Variants in GRK6 observed in about 807,000 individuals in gnomAD.
The protein encoded by GRK6 is G protein-coupled receptor kinase 6.
A neutral mutation model predicts 80.8 loss-of-function variants in GRK6; 37 were observed. The ratio of observed to expected loss-of-function variants is 0.46; its 90% CI spans 0.35 to 0.60. GRK6 has a LOEUF of 0.60. Among genes scored for constraint, GRK6 ranks in the 20% least tolerant of loss-of-function variants. GRK6 has a pLI of 0.00. For synonymous variants in GRK6, 295 were observed against 320.9 expected, an observed-to-expected ratio of 0.92 and a Z score of 0.86; for missense variants, 560 against 784.6, an observed-to-expected ratio of 0.71 and a Z score of 3.42.
Position 177,433,144 on chromosome 5 carries a change from C to A in GRK6, c.441-3C>A. On this transcript the variant is annotated splice_region_variant and splice_polypyrimidine_tract_variant and intron_variant, in intron 5 of 15. Transcript: ENST00000355472. ...GTGAGCTGGGCCTGCCTTTCCTCAA[C>A]AGGCTGACCCACGAGTACCTGAGCG... 6.2e-7 allele frequency: 1 copy of A among 1,613,040 alleles called. No homozygotes were observed.
chr5:177,431,192 G>C (rs1057352810), intron 2 of GRK6, among the ~76,000 whole-genome samples: 1 of 152,230 alleles, frequency 6.6e-6, no homozygotes, highest in African/African-American at 2.4e-5. Flanking sequence ...AGCGGGTGTC[G>C]GGAATAGGGC....
At chr5:177,441,452 C>G in intron 15 of GRK6, 1 of 667,758 alleles carries the variant, frequency 1.5e-6, no homozygotes, top group Non-Finnish European at 2.5e-6. Context: ...CTGTCTCTGC[C>G]AGCCCCAGGG....
At chr5:177,432,885 CTCGGTGGCTGGTGAGGGA>C in intron 5 of GRK6, 79 bp downstream of exon 5, 1 of 1,182,848 alleles carries the variant, frequency 8.5e-7, no homozygotes, top group South Asian at 1.4e-5. Flanking sequence ...CTGTGAACAG[CTCGGTGGCTGGTGAGGGA>C]GCTCAGCTGC....
chr5:177,433,295 GC>G, intron 6 of GRK6, 51 bp from the exon 7 acceptor site: 1 of 1,613,788 alleles, frequency 6.2e-7, no homozygotes, highest in African/African-American at 1.3e-5. Context: ...TTCTTCATAG[GC>G]CTTGGGCTCT....
intron 2 of GRK6, 69 bp downstream of exon 2, chr5:177,431,036 G>C (rs1225651829): frequency 7.3e-7 from 1 of 1,371,322 alleles, no homozygotes; most frequent in Admixed American, 2.0e-5. Flanking sequence ...AGCCTCCCCT[G>C]AGACCTTGCC....
At position 177,434,888 on chromosome 5, in the gene GRK6, T is replaced by G. The variant is rs200943579; in HGVS notation, c.930-14T>G. On this transcript the variant is annotated splice_polypyrimidine_tract_variant and intron_variant, in intron 9 of 15. Transcript: ENST00000355472. ...AACTGAGCAGCATCTGACCCTGCTC[T>G]TCTCTCTGCACAGGGACCTGAAGCC... 1.5e-5 allele frequency: 25 copies of G among 1,613,652 alleles called. No homozygotes were observed. Among genetic ancestry groups the G allele is most frequent in the Admixed American group, 6.7e-5 (4 of 60,022 alleles).
At position 177,436,416 on chromosome 5, in the gene GRK6, A is replaced by T; in HGVS notation, c.1290A>T (p.Glu430Asp). 2 of 1,606,418 alleles carry T rather than the reference A, an allele frequency of 1.2e-6. No individual in the cohort carries two copies. Among genetic ancestry groups the T allele is most frequent in the Non-Finnish European group, 1.7e-6 (2 of 1,176,362 alleles). ...AGCTCCTCTGCAAGGACCCTGCCGA[A>T]CGCCTGGGGTGTCGTGGGGGCAGTG... ...CSQLLCKDPA[E>D]RLGCRGGSAR... The change falls in exon 13 of 16, where the codon GAA becomes GAT. Residue 430 changes from glutamate to aspartate, a missense_variant. Glu to Asp is a conservative substitution (Grantham distance 45). Around this residue, in one of 3 missense-constraint regions of GRK6, gnomAD observed 294 missense variants for 397.4 expected, o/e 0.74. Coordinates refer to ENST00000355472, the MANE Select transcript of GRK6 (RefSeq NM_001004106.3).
Position 177,432,326 on chromosome 5 carries a change from T to C in GRK6, c.339+16T>C. On this transcript the variant is annotated intron_variant, in intron 4 of 15. Coordinates refer to ENST00000355472, the MANE Select transcript of GRK6 (RefSeq NM_001004106.3). The stretch of plus-strand genomic sequence containing the variant: ...GAGCCACACGGTGAGTGAGCAGCGA[T>C]GGAGAGATGATGGGAGCCACCAGAG... 3.7e-6 allele frequency: 6 copies of C among 1,610,718 alleles called. No individual in the cohort carries two copies. The highest frequency in any genetic ancestry group is 5.1e-6 in the Non-Finnish European group (6 of 1,178,648).
rs1242074801 is a variant in GRK6, at chr5:177,433,593, A to G, written c.655A>G (p.Lys219Glu). ...GATGTATGCCTGCAAGAAGCTAGAG[A>G]AAAAGCGGATCAAGAAGCGGAAAGG... ...GKMYACKKLE[K>E]KRIKKRKGEA... The change falls in exon 8 of 16, where the codon AAA becomes GAA. Residue 219 changes from lysine (K) to glutamate (E), a missense_variant. Physicochemically the swap from Lys to Glu is moderately conservative, Grantham distance 56. Around this residue, in one of 3 missense-constraint regions of GRK6, gnomAD observed 77 missense variants for 156.9 expected, o/e 0.49. Coordinates refer to ENST00000355472, the MANE Select transcript of GRK6 (RefSeq NM_001004106.3). The G allele has an allele frequency of 6.2e-7, 1 of 1,614,102 alleles. No homozygotes were observed. The highest frequency in any genetic ancestry group is 1.1e-5 in the South Asian group (1 of 91,086).
At chr5:177,431,894 C>G in intron 2 of GRK6, 101 bp from the exon 3 acceptor site, 2 of 990,406 alleles carry the variant, frequency 2.0e-6, no homozygotes, top group Non-Finnish European at 3.2e-6. Flanking sequence ...CACTGCAGAG[C>G]TGGAAGCTGT....
chr5:177,441,669 C>T (rs1156965889), intron 15 of GRK6, 68 bp from the exon 16 acceptor site: 18 of 1,309,840 alleles, frequency 1.4e-5, no homozygotes, highest in Admixed American at 3.4e-5. Flanking sequence ...CCCCATGTGA[C>T]GTCCCTCGTG....
chr5:177,431,709 T>G, intron 2 of GRK6: 1 of 467,894 alleles, frequency 2.1e-6, no homozygotes, highest in Non-Finnish European at 3.9e-6. Context: ...CATACGCAAG[T>G]CGTGTAAATC....
At position 177,442,129 on chromosome 5, in the gene GRK6, G is replaced by A. The variant is rs1581694958; in HGVS notation, c.*339G>A. 1 of 337,526 alleles carries A rather than the reference G, an allele frequency of 3.0e-6. No individual in the cohort carries two copies. The highest frequency in any genetic ancestry group is 6.0e-5 in the East Asian group (1 of 16,570). 20.9% of individuals were successfully genotyped at this position (337,526 alleles called of 1,614,324 possible). A position where few individuals can be genotyped will look rare whatever the true frequency, so the allele number is the denominator to read the frequency against. On this transcript the variant is annotated 3_prime_UTR_variant, in exon 16 of 16. Coordinates refer to ENST00000355472, the MANE Select transcript of GRK6 (RefSeq NM_001004106.3). ...CCGCCTTGGCTCCTGGGGGCAGCCA[G>A]CCCTGGCTGGGAGAGCGGGAGCTGG... is the stretch of plus-strand genomic sequence containing the variant.
At position 177,441,909 on chromosome 5, in the gene GRK6, C is replaced by A; in HGVS notation, c.*119C>A. 1 of 931,510 alleles carries A rather than the reference C, an allele frequency of 1.1e-6. No individual in the cohort carries two copies. Among genetic ancestry groups the A allele is most frequent in the Non-Finnish European group, 1.7e-6 (1 of 591,392 alleles). The allele number at this position is 931,510 out of a possible 1,614,324, so 57.7% of individuals were successfully genotyped here. On this transcript the variant is annotated 3_prime_UTR_variant, in exon 16 of 16. Coordinates refer to ENST00000355472, the MANE Select transcript of GRK6 (RefSeq NM_001004106.3). The stretch of plus-strand genomic sequence containing the variant: ...CAAGTCGTGGCCTGGGGAACACAGA[C>A]GGAGCTGTCCCCAGTGTCCTCCGTC...
chr5:177,437,574 GA>G (rs991556357), intron 13 of GRK6, among the ~76,000 whole-genome samples: 4 of 152,196 alleles, frequency 2.6e-5, no homozygotes, highest in African/African-American at 9.7e-5. Context: ...CCGGGTGGCA[GA>G]AAACCAACCT....
chr5:177,441,689 AC>A, intron 15 of GRK6, 47 bp from the exon 16 acceptor site: 1 of 1,480,820 alleles, frequency 6.8e-7, no homozygotes, highest in Non-Finnish European at 9.4e-7. Flanking sequence ...GGTTAATGGC[AC>A]CTGCTCTGCC....
Position 177,441,781 on chromosome 5 carries a change from C to T in GRK6, c.1722C>T (p.Thr574=), listed in dbSNP as rs1581694300. The T allele has an allele frequency of 2.5e-6, 4 of 1,612,620 alleles. No homozygotes were observed. The highest frequency in any genetic ancestry group is 3.4e-6 in the Non-Finnish European group (4 of 1,179,254). ...NCSDSEEELP[T]RL is the part of the protein sequence containing the mutation. ...GCGACAGCGAGGAAGAGCTCCCCAC[C>T]CGCCTCTAGCCCCCAGCCCGAGGCC... Residue 574 remains threonine, a synonymous_variant, in exon 16 of 16, where the codon ACC becomes ACT. Transcript: ENST00000355472.
rs547304670 is a variant in GRK6 at position 177,429,841 on chromosome 5, C to G, written c.53-1031C>G. On this transcript the variant is annotated intron_variant, in intron 1 of 15. Transcript: ENST00000355472. The surrounding 1 kb of genome is among the most constrained non-coding windows in gnomAD (Gnocchi z 4.3). ...TGATGTGGACAGTGTCTCCCATTCACTACGTAACACACATGGAGAAGCTGA... is the reference window on the plus strand; with the variant it reads ...TGATGTGGACAGTGTCTCCCATTCAGTACGTAACACACATGGAGAAGCTGA... 6.6e-6 allele frequency among the ~76,000 whole-genome samples: 1 copy of G among 152,318 alleles called. No individual in the cohort carries two copies. Among genetic ancestry groups the G allele is most frequent in the East Asian group, 1.9e-4 (1 of 5,186 alleles).
At chr5:177,434,749 G>C (rs1764065721) in intron 9 of GRK6, among the ~76,000 whole-genome samples, 153 bp from the exon 10 acceptor site, 1 of 152,228 alleles carries the variant, frequency 6.6e-6, no homozygotes, top group Admixed American at 6.5e-5. Context: ...GCTGTTGCCA[G>C]GGAGAGCAGG....
Sources: gnomAD v4.1 joint callset for allele counts (sites outside exome capture counted in the v4.1 genomes callset) on GRCh38, gnomAD v4.1.1 for gene constraint, gnomAD v4.1.1 regional missense constraint, Gnocchi (gnomAD v3.1) non-coding constraint, MANE v1.5 for transcripts, NCBI Gene and HGNC (gene_info 2026-07-23, HGNC 2026-07-21) for gene names.